Variants in CSMD1 observed in about 807,000 individuals in gnomAD.
CSMD1 encodes CUB and Sushi multiple domains 1, also known as CUB and sushi domain-containing protein 1.
A neutral mutation model predicts 417.5 loss-of-function variants in CSMD1; 213 were observed. The observed-to-expected ratio is 0.51, with a 90% CI of 0.46 to 0.57. The LOEUF (loss-of-function observed/expected upper bound fraction) is 0.57, where lower values mean the gene tolerates loss of function less well. CSMD1 is among the 20% of genes least tolerant of loss of function. CSMD1 has a pLI of 0.00. For synonymous variants in CSMD1, 2,862 were observed against 1,736.8 expected (o/e 1.65, Z -16.11); for missense variants, 6,923 against 4,529.7 (o/e 1.53, Z -15.17).
intron 7 of CSMD1, among the ~76,000 whole-genome samples, chr8:3,680,361 A>T (rs1021255694): frequency 1.3e-5 from 2 of 152,222 alleles, no homozygotes; most frequent in Non-Finnish European, 2.9e-5. Flanking sequence ...GTATATCACC[A>T]CTGATCCCAC....
At chr8:4,039,999 G>A (rs752189597) in intron 3 of CSMD1, among the ~76,000 whole-genome samples, 1 of 152,146 alleles carries the variant, frequency 6.6e-6, no homozygotes, top group Non-Finnish European at 1.5e-5. Flanking sequence ...CAGGTTAAGT[G>A]CCCCATACAT....
At chr8:4,900,829 G>A (rs757324814) in intron 1 of CSMD1, among the ~76,000 whole-genome samples, 13 of 152,092 alleles carry the variant, frequency 8.5e-5, no homozygotes, top group Non-Finnish European at 1.8e-4. Context: ...GAATTCTCAC[G>A]GCTCTAATTT....
chr8:4,018,299 G>T (rs941513139), intron 4 of CSMD1, among the ~76,000 whole-genome samples: 1 of 152,002 alleles, frequency 6.6e-6, no homozygotes, highest in Non-Finnish European at 1.5e-5. Context: ...ATTACAGTCT[G>T]TGGCCATTTT....
At chr8:4,749,142 G>C (rs1285947467) in intron 1 of CSMD1, among the ~76,000 whole-genome samples, 1 of 152,214 alleles carries the variant, frequency 6.6e-6, no homozygotes, top group Non-Finnish European at 1.5e-5. Flanking sequence ...ATATTGTCAT[G>C]AGTCATAGAT....
intron 5 of CSMD1, among the ~76,000 whole-genome samples, chr8:3,929,541 G>T (rs1379434595): frequency 2.0e-5 from 3 of 150,458 alleles, no homozygotes; most frequent in Non-Finnish European, 4.4e-5. Context: ...GCAGGAACTG[G>T]GTTGTCTGTC....
chr8:3,528,970 T>C (rs141217202), intron 10 of CSMD1, among the ~76,000 whole-genome samples: 2 of 152,332 alleles, frequency 1.3e-5, no homozygotes, highest in Non-Finnish European at 2.9e-5. Flanking sequence ...AGTATGACAG[T>C]TGATATACAT....
chr8:4,693,307 A>G (rs1278082527), intron 1 of CSMD1, among the ~76,000 whole-genome samples: 2 of 152,224 alleles, frequency 1.3e-5, no homozygotes, highest in African/African-American at 4.8e-5. Flanking sequence ...AATAGCAAAA[A>G]CATCATAACT....
chr8:4,706,951 G>C (rs561812541), intron 1 of CSMD1, among the ~76,000 whole-genome samples: 50 of 152,296 alleles, frequency 3.3e-4, no homozygotes, highest in Non-Finnish European at 2.1e-4. Flanking sequence ...TCTGAAGCTT[G>C]GCAGAGGTTG....
chr8:4,928,139 C>A (rs1171183097), intron 1 of CSMD1, among the ~76,000 whole-genome samples: 1 of 152,148 alleles, frequency 6.6e-6, no homozygotes, highest in Non-Finnish European at 1.5e-5. Flanking sequence ...AGCCTCTGCC[C>A]ACGTGGGACG....
chr8:3,606,787 C>T (rs868685964), intron 8 of CSMD1, among the ~76,000 whole-genome samples: 19 of 151,432 alleles, frequency 1.3e-4, no homozygotes, highest in East Asian at 5.8e-4. Flanking sequence ...CTCCACTCAG[C>T]GCAACCTCCA....
intron 1 of CSMD1, among the ~76,000 whole-genome samples, chr8:4,824,375 A>C (rs1799692992): frequency 6.6e-6 from 1 of 152,120 alleles, no homozygotes; most frequent in African/African-American, 2.4e-5. Context: ...CAGAGTTTTA[A>C]TTTAATGTGA....
intron 3 of CSMD1, among the ~76,000 whole-genome samples, chr8:4,238,679 C>G (rs1357386795): frequency 6.6e-6 from 1 of 152,152 alleles, no homozygotes; most frequent in African/African-American, 2.4e-5. Context: ...CTGGACTATC[C>G]TTGGCCCTCA....
chr8:4,464,958 C>A (rs1212064583), intron 2 of CSMD1, among the ~76,000 whole-genome samples: 1 of 152,108 alleles, frequency 6.6e-6, no homozygotes, highest in Non-Finnish European at 1.5e-5. Flanking sequence ...TGCTTCCTCC[C>A]ACTCATGATG....
At chr8:3,948,933 A>G (rs1383723562) in intron 5 of CSMD1, among the ~76,000 whole-genome samples, 1 of 152,178 alleles carries the variant, frequency 6.6e-6, no homozygotes, top group East Asian at 1.9e-4. Flanking sequence ...AAGCATTAGT[A>G]GAATAACTGA....
chr8:3,229,557 T>G (rs1798708093), intron 27 of CSMD1, among the ~76,000 whole-genome samples: 1 of 152,170 alleles, frequency 6.6e-6, no homozygotes, highest in Admixed American at 6.6e-5. Context: ...AAACCTCCTT[T>G]TATCTTCATT....
intron 3 of CSMD1, among the ~76,000 whole-genome samples, chr8:4,303,199 A>C (rs534689412): frequency 6.6e-6 from 1 of 152,148 alleles, no homozygotes; most frequent in Non-Finnish European, 1.5e-5. Context: ...GCAACTGAGA[A>C]TAACATCTGT....
chr8:3,348,241 T>C (rs1378325876), intron 21 of CSMD1, 80 bp from the exon 22 acceptor site: 3 of 993,588 alleles, frequency 3.0e-6, no homozygotes, highest in Non-Finnish European at 4.5e-6. Flanking sequence ...TTTAAAATCA[T>C]GATAGCCTCC....
chr8:4,613,310 G>A (rs536885257), intron 2 of CSMD1, among the ~76,000 whole-genome samples: 10 of 152,182 alleles, frequency 6.6e-5, no homozygotes, highest in African/African-American at 2.4e-4. Flanking sequence ...TTGCACTAGA[G>A]TAGACACCAC....
chr8:4,956,978 C>T (rs1236416358), intron 1 of CSMD1, among the ~76,000 whole-genome samples: 1 of 152,208 alleles, frequency 6.6e-6, no homozygotes, highest in African/African-American at 2.4e-5. Context: ...AACCATGCTC[C>T]TGATTCTTGT....
Sources: allele counts gnomAD v4.1 joint callset (sites outside exome capture counted in the v4.1 genomes callset), GRCh38; gene constraint gnomAD v4.1.1; transcripts MANE v1.5; gene names NCBI Gene and HGNC (gene_info 2026-07-23, HGNC 2026-07-21).